Variants in WWP2 observed in about 807,000 individuals in gnomAD.
WWP2 encodes the protein WW domain containing E3 ubiquitin protein ligase 2, also known as NEDD4-like E3 ubiquitin-protein ligase WWP2.
WWP2 carries 57 observed loss-of-function variants against 121.0 expected under a neutral mutation model. The ratio of observed to expected loss-of-function variants is 0.47; its 90% CI spans 0.38 to 0.59. WWP2 has a LOEUF of 0.59. WWP2 is among the 20% of genes least tolerant of loss of function. The pLI, the probability that WWP2 is intolerant of heterozygous loss-of-function variation, is 0.00. For missense variants in WWP2, 962 were observed against 1,158.9 expected, an observed-to-expected ratio of 0.83 and a Z score of 2.47; for synonymous variants, 449 against 441.3, an observed-to-expected ratio of 1.02 and a Z score of -0.22.
At chr16:69,826,294 G>A (rs1240156617) in intron 4 of WWP2, among the ~76,000 whole-genome samples, 4 of 150,506 alleles carry the variant, frequency 2.7e-5, no homozygotes, top group Non-Finnish European at 4.4e-5. Flanking sequence ...TAGACCAGGC[G>A]CAGTGGCTTA....
At position 69,886,588 on chromosome 16, in the gene WWP2, C is replaced by T. The variant is rs184814547; in HGVS notation, c.704-1451C>T. ...CAACCTGGCCAACATGGTGAAACCC[C>T]GTCTCTATTAAAAATACAAAAATTA... is the stretch of plus-strand genomic sequence containing the variant. On this transcript the variant is annotated intron_variant, in intron 7 of 23. Coordinates refer to ENST00000359154, the MANE Select transcript of WWP2 (RefSeq NM_001270454.2). 2.2e-3 allele frequency among the ~76,000 whole-genome samples: 338 copies of T among 152,244 alleles called. 3 individuals carry two copies. Among genetic ancestry groups the T allele is most frequent in the African/African-American group, 6.3e-3 (262 of 41,558 alleles).
At position 69,939,824 on chromosome 16, in the gene WWP2, T is replaced by A; in HGVS notation, c.2514-17T>A. On this transcript the variant is annotated splice_polypyrimidine_tract_variant and intron_variant, in intron 23 of 23. Coordinates refer to ENST00000359154, the MANE Select transcript of WWP2 (RefSeq NM_001270454.2). Reference sequence around the variant, plus strand: ...GGCCTCCTAGGGCTGACTGTCGTGCTTCCCCACTCTCAATAGCTTCAACCG... The same window carrying A: ...GGCCTCCTAGGGCTGACTGTCGTGCATCCCCACTCTCAATAGCTTCAACCG... The A allele has an allele frequency of 1.9e-6, 3 of 1,610,418 alleles. No homozygotes were observed. Among genetic ancestry groups the A allele is most frequent in the Non-Finnish European group, 2.5e-6 (3 of 1,178,192 alleles).
intron 12 of WWP2, 45 bp downstream of exon 12, chr16:69,929,574 T>G: frequency 6.4e-7 from 1 of 1,560,702 alleles, no homozygotes; most frequent in Non-Finnish European, 8.8e-7. Context: ...GCTGGGTCTC[T>G]GTGCAGCTCC....
At chr16:69,874,013 C>CTTGGACTTTTGA (rs1263525196) in intron 7 of WWP2, among the ~76,000 whole-genome samples, 38 of 152,276 alleles carry the variant, frequency 2.5e-4, no homozygotes, top group African/African-American at 7.7e-4. Context: ...CTTCAAAAGC[C>CTTGGACTTTTGA]AGGCGTCTCT....
chr16:69,917,553 G>T, intron 9 of WWP2, 156 bp from the exon 10 acceptor site: 1 of 764,470 alleles, frequency 1.3e-6, no homozygotes. Flanking sequence ...ATTGGGTGCT[G>T]CAGAGGCAAC....
intron 1 of WWP2, among the ~76,000 whole-genome samples, chr16:69,785,230 A>G (rs74510080): frequency 7.1e-6 from 1 of 141,596 alleles, no homozygotes; most frequent in Non-Finnish European, 1.5e-5. Context: ...AGACTGTCTC[A>G]AAAAAAAAAA....
chr16:69,813,008 G>T (rs1478920511), intron 4 of WWP2, among the ~76,000 whole-genome samples: 1 of 152,044 alleles, frequency 6.6e-6, no homozygotes, highest in Non-Finnish European at 1.5e-5. Flanking sequence ...TTTTATTTTT[G>T]AATTCCATCC....
intron 6 of WWP2, among the ~76,000 whole-genome samples, chr16:69,854,267 A>G (rs1178142522): frequency 6.6e-6 from 1 of 152,246 alleles, no homozygotes; most frequent in African/African-American, 2.4e-5. Context: ...ATGGAAGACC[A>G]GAACAGAACT....
intron 6 of WWP2, among the ~76,000 whole-genome samples, chr16:69,844,474 AC>A (rs1235269510): frequency 6.6e-6 from 1 of 152,030 alleles, no homozygotes; most frequent in Non-Finnish European, 1.5e-5. Context: ...CACCCATATA[AC>A]TTAATTTGGG....
chr16:69,936,445 T>A lies in WWP2; in HGVS notation c.2110T>A (p.Tyr704Asn). Residue 704 changes from tyrosine (Y) to asparagine (N), a missense_variant, in exon 19 of 24, where the codon TAC becomes AAC. Around this residue, in one of 3 missense-constraint regions of WWP2, gnomAD observed 606 missense variants for 772.6 expected, o/e 0.78. Coordinates refer to ENST00000359154, the MANE Select transcript of WWP2 (RefSeq NM_001270454.2). ...GGTCACAGAGGAGAACAAGGAAGAG[T>A]ACATCATGTGAGTCTCAGGCGCCGG... ...IRVTEENKEE[Y>N]IMLLTDWRFT... is the part of the protein sequence containing the mutation. The A allele has an allele frequency of 1.2e-6, 2 of 1,613,532 alleles. No individual in the cohort carries two copies. The highest frequency in any genetic ancestry group is 8.5e-7 in the Non-Finnish European group (1 of 1,179,926).
At chr16:69,874,586 G>A (rs985907705) in intron 7 of WWP2, among the ~76,000 whole-genome samples, 8 of 152,118 alleles carry the variant, frequency 5.3e-5, no homozygotes, top group East Asian at 1.9e-4. Flanking sequence ...ATGGCAGCCC[G>A]TCTGTATAAA....
chr16:69,871,772 A>T (rs770120204), intron 6 of WWP2, 32 bp from the exon 7 acceptor site: 1 of 1,613,204 alleles, frequency 6.2e-7, no homozygotes, highest in Non-Finnish European at 8.5e-7. Flanking sequence ...ACAGTGACTT[A>T]TGTCTGTCTG....
chr16:69,838,974 G>A, intron 4 of WWP2: 2 of 806,544 alleles, frequency 2.5e-6, no homozygotes, highest in South Asian at 5.9e-5. Context: ...TATCTGTAGA[G>A]GGATTTAGAG....
At chr16:69,879,581 C>T (rs79146280) in intron 7 of WWP2, among the ~76,000 whole-genome samples, 2,622 of 152,158 alleles carry the variant, frequency 0.017, 77 homozygotes, top group African/African-American at 0.059. Context: ...AATAATATTC[C>T]GTTGTATATA....
intron 8 of WWP2, among the ~76,000 whole-genome samples, chr16:69,898,027 C>CTTTTTT (rs369977148): frequency 3.9e-5 from 5 of 128,138 alleles, no homozygotes; most frequent in South Asian, 2.5e-4. Flanking sequence ...TTCTTTCTTT[C>CTTTTTT]TTTTTTTTTT....
chr16:69,934,898 C>T (rs1428006251), intron 17 of WWP2, among the ~76,000 whole-genome samples: 2 of 152,156 alleles, frequency 1.3e-5, no homozygotes, highest in Admixed American at 6.5e-5. Flanking sequence ...TGGGCGCTGC[C>T]GTTCACGCCA....
intron 7 of WWP2, among the ~76,000 whole-genome samples, chr16:69,880,114 A>G (rs1443427082): frequency 6.6e-6 from 1 of 150,830 alleles, no homozygotes; most frequent in African/African-American, 2.4e-5. Context: ...TTATAGTGTT[A>G]TATGTGTCAC....
At chr16:69,863,605 C>CACTCCAGCCTGGGTGAA (rs1369552669) in intron 6 of WWP2, among the ~76,000 whole-genome samples, 4 of 152,202 alleles carry the variant, frequency 2.6e-5, no homozygotes, top group African/African-American at 9.7e-5. Flanking sequence ...TGCGCCACTT[C>CACTCCAGCCTGGGTGAA]ACTCCAGCCT....
intron 6 of WWP2, among the ~76,000 whole-genome samples, chr16:69,861,558 TA>T (rs2151903427): frequency 6.6e-6 from 1 of 152,182 alleles, no homozygotes; most frequent in African/African-American, 2.4e-5. Flanking sequence ...AATGGAGCCG[TA>T]AATTGCGCTT....
Sources: allele counts gnomAD v4.1 joint callset (sites outside exome capture counted in the v4.1 genomes callset), GRCh38; gene constraint gnomAD v4.1.1; regional missense constraint gnomAD v4.1.1; transcripts MANE v1.5; gene names NCBI Gene and HGNC (gene_info 2026-07-23, HGNC 2026-07-21).